Variants in UBL3 observed in about 807,000 individuals in gnomAD.
UBL3 encodes the protein ubiquitin-like protein 3.
Under a neutral mutation model 18.4 loss-of-function variants are expected in UBL3, and 6 were observed. That is an observed-to-expected ratio of 0.33 (90% confidence interval 0.18 to 0.64). The LOEUF (loss-of-function observed/expected upper bound fraction) is 0.64. Among genes scored for constraint, UBL3 ranks in the 30% least tolerant of loss-of-function variants. The probability of loss-of-function intolerance (pLI) is 0.76; values close to 1 mark genes in which losing one functional copy is unlikely to be tolerated. For missense variants in UBL3, 109 were observed against 142.9 expected (o/e 0.76, Z 1.21); for synonymous variants, 49 against 46.6 (o/e 1.05, Z -0.21).
chr13:29,769,003 C>CAGCAAGTTACTTACCCTCTA (rs1376511634), intron 3 of UBL3, among the ~76,000 whole-genome samples: 1 of 152,058 alleles, frequency 6.6e-6, no homozygotes, highest in East Asian at 1.9e-4. Context: ...GTGTAACTCT[C>CAGCAAGTTACTTACCCTCTA]AGCAAGTTAC....
At chr13:29,780,889 G>A (rs1234969435) in intron 1 of UBL3, among the ~76,000 whole-genome samples, 2 of 151,884 alleles carry the variant, frequency 1.3e-5, no homozygotes. Context: ...AAATAAAAGT[G>A]CTAGCCAGGC....
At chr13:29,820,419 G>A (rs183954410) in intron 1 of UBL3, among the ~76,000 whole-genome samples, 79 of 151,970 alleles carry the variant, frequency 5.2e-4, no homozygotes, top group Non-Finnish European at 7.9e-4. Context: ...CAGGTGATCC[G>A]CCTGCCTCGG....
intron 1 of UBL3, among the ~76,000 whole-genome samples, chr13:29,800,483 C>T (rs1877732369): frequency 6.6e-6 from 1 of 151,842 alleles, no homozygotes; most frequent in South Asian, 2.1e-4. Flanking sequence ...GATTCCATTC[C>T]TAGAAATTGA....
At chr13:29,779,053 CAT>C (rs1877075747) in intron 1 of UBL3, among the ~76,000 whole-genome samples, 1 of 152,144 alleles carries the variant, frequency 6.6e-6, no homozygotes, top group Non-Finnish European at 1.5e-5. Flanking sequence ...GATCTGATAA[CAT>C]GTTGCTGTAA....
intron 1 of UBL3, among the ~76,000 whole-genome samples, chr13:29,828,010 C>T (rs946179300): frequency 2.0e-5 from 3 of 152,174 alleles, no homozygotes; most frequent in African/African-American, 4.8e-5. Context: ...TATTGGCCCC[C>T]ACTCTCTTCT....
intron 1 of UBL3, among the ~76,000 whole-genome samples, chr13:29,799,321 T>C (rs1877700301): frequency 1.3e-5 from 2 of 152,348 alleles, no homozygotes; most frequent in South Asian, 4.1e-4. Context: ...AAGTAATGTA[T>C]TACTTAATTC....
intron 3 of UBL3, among the ~76,000 whole-genome samples, chr13:29,769,291 T>C (rs1281905668): frequency 1.3e-5 from 2 of 152,144 alleles, no homozygotes; most frequent in Non-Finnish European, 2.9e-5. Flanking sequence ...GTTACAAATG[T>C]AATGCGTGGG....
At chr13:29,809,111 C>G (rs1877972513) in intron 1 of UBL3, among the ~76,000 whole-genome samples, 1 of 152,088 alleles carries the variant, frequency 6.6e-6, no homozygotes, top group Non-Finnish European at 1.5e-5. Flanking sequence ...AGATGGATGT[C>G]TGAAAACATG....
chr13:29,788,792 T>G (rs756512714), intron 1 of UBL3, among the ~76,000 whole-genome samples: 14 of 151,020 alleles, frequency 9.3e-5, no homozygotes, highest in Non-Finnish European at 1.5e-4. Context: ...GTTAAAAAAT[T>G]CAAACAATGC....
At chr13:29,774,273 A>G (rs941835007) in intron 2 of UBL3, among the ~76,000 whole-genome samples, 2 of 152,120 alleles carry the variant, frequency 1.3e-5, no homozygotes, top group Non-Finnish European at 2.9e-5. Context: ...TATGAAAGTA[A>G]AAGTATTTCT....
chr13:29,811,463 T>C (rs567801123), intron 1 of UBL3, among the ~76,000 whole-genome samples: 1 of 152,178 alleles, frequency 6.6e-6, no homozygotes, highest in East Asian at 1.9e-4. Context: ...TGTGACCTAG[T>C]TCTGGACAAA....
In UBL3 at chr13:29,849,498, T is replaced by C. The variant is rs1372433352; in HGVS notation, c.27+14A>G. Reference sequence around the variant, plus strand: ...CCACAATTAAATCAGTGTCATAACTTATCCGTCACTTACCATATCCGCCGG... The same window carrying C: ...CCACAATTAAATCAGTGTCATAACTCATCCGTCACTTACCATATCCGCCGG... On this transcript the variant is annotated intron_variant, in intron 1 of 4. Coordinates refer to ENST00000380680, the MANE Select transcript of UBL3 (RefSeq NM_007106.4). 1.2e-6 allele frequency: 2 copies of C among 1,613,988 alleles called. No homozygotes were observed. The highest frequency in any genetic ancestry group is 1.7e-6 in the Non-Finnish European group (2 of 1,180,040).
In UBL3 at chr13:29,849,733, G is replaced by A. The variant is rs1044516081; in HGVS notation, c.-195C>T. 2.9e-6 allele frequency: 2 copies of A among 682,022 alleles called. No homozygotes were observed. The highest frequency in any genetic ancestry group is 2.7e-5 in the East Asian group (1 of 36,726). The allele number at this position is 682,022 out of a possible 1,614,324, so 42.2% of individuals were successfully genotyped here. On this transcript the variant is annotated 5_prime_UTR_variant, in exon 1 of 5. Coordinates refer to ENST00000380680, the MANE Select transcript of UBL3 (RefSeq NM_007106.4). ...TGGTTCGAAGAGGAACAATCCCCAGGAGCTGTGTGGCCGGAGCAGGAGGAA... is the reference window on the plus strand; with the variant it reads ...TGGTTCGAAGAGGAACAATCCCCAGAAGCTGTGTGGCCGGAGCAGGAGGAA...
At chr13:29,803,675 A>C (rs1419212063) in intron 1 of UBL3, among the ~76,000 whole-genome samples, 1 of 152,188 alleles carries the variant, frequency 6.6e-6, no homozygotes, top group African/African-American at 2.4e-5. Flanking sequence ...TAAACCCACA[A>C]AGATCAAAAA....
chr13:29,823,888 T>G (rs1019442916), intron 1 of UBL3, among the ~76,000 whole-genome samples: 2 of 128,076 alleles, frequency 1.6e-5, no homozygotes, highest in Non-Finnish European at 3.2e-5. Flanking sequence ...CCCCAGTGTG[T>G]GATGTTCCCC....
chr13:29,780,793 C>T (rs566289764), intron 1 of UBL3, among the ~76,000 whole-genome samples: 1 of 152,264 alleles, frequency 6.6e-6, no homozygotes, highest in African/African-American at 2.4e-5. Context: ...GAGATCAGGA[C>T]TCTCTTGCTG....
At chr13:29,823,752 C>A (rs9508561) in intron 1 of UBL3, among the ~76,000 whole-genome samples, 42,661 of 151,712 alleles carry the variant, frequency 0.28, 6,020 homozygotes, top group East Asian at 0.41. Flanking sequence ...AGGGTACATG[C>A]GCACAATGTG....
intron 1 of UBL3, among the ~76,000 whole-genome samples, chr13:29,779,500 C>G (rs1010828096): frequency 2.0e-5 from 3 of 151,998 alleles, no homozygotes; most frequent in Admixed American, 6.5e-5. Flanking sequence ...TGGGCTTTTA[C>G]TCAAATTATA....
intron 1 of UBL3, among the ~76,000 whole-genome samples, chr13:29,831,192 C>CTAAAA (rs760999722): frequency 2.6e-5 from 4 of 152,106 alleles, no homozygotes; most frequent in Non-Finnish European, 5.9e-5. Context: ...AAAATTTATA[C>CTAAAA]TTTTTAGACT....
Sources: gnomAD v4.1 joint callset for allele counts (sites outside exome capture counted in the v4.1 genomes callset) on GRCh38, gnomAD v4.1.1 for gene constraint, MANE v1.5 for transcripts, NCBI Gene and HGNC (gene_info 2026-07-23, HGNC 2026-07-21) for gene names.